CHD9: variants seen among roughly 807,000 people sequenced by gnomAD.
CHD9 encodes the protein chromodomain helicase DNA binding protein 9, also known as ATP-dependent chromatin remodeler CHD9.
A neutral mutation model predicts 316.1 loss-of-function variants in CHD9; 77 were observed. That is an observed-to-expected ratio of 0.24 (90% confidence interval 0.20 to 0.29). The LOEUF is 0.29. CHD9 is among the 10% of genes least tolerant of loss of function. The pLI, the probability that CHD9 is intolerant of heterozygous loss-of-function variation, is 1.00. For missense variants in CHD9, 2,763 were observed against 3,438.1 expected, an observed-to-expected ratio of 0.80 and a Z score of 4.91; for synonymous variants, 1,129 against 1,158.3, an observed-to-expected ratio of 0.97 and a Z score of 0.51.
At chr16:53,208,747 G>A (rs1180123883) in intron 2 of CHD9, 22 of 977,272 alleles carry the variant, frequency 2.3e-5, no homozygotes, top group Non-Finnish European at 2.6e-5. Flanking sequence ...AGTATATGTG[G>A]ATGAATGCGT....
intron 28 of CHD9, among the ~76,000 whole-genome samples, chr16:53,292,592 T>C (rs909933040): frequency 1.3e-5 from 2 of 152,178 alleles, no homozygotes; most frequent in African/African-American, 4.8e-5. Flanking sequence ...TACCTAGACA[T>C]GCAAGAGTTG....
chr16:53,319,893 A>T, intron 37 of CHD9: 1 of 1,082,876 alleles, frequency 9.2e-7, no homozygotes, highest in Non-Finnish European at 1.2e-6. Flanking sequence ...TCCATTTTCA[A>T]TAGAAGCTTA....
chr16:53,195,396 G>A (rs2044818412), intron 2 of CHD9, among the ~76,000 whole-genome samples: 1 of 152,178 alleles, frequency 6.6e-6, no homozygotes, highest in South Asian at 2.1e-4. Context: ...CACATATTTA[G>A]TCTGGCTTAA....
At chr16:53,261,792 C>G (rs2051157579) in intron 19 of CHD9, among the ~76,000 whole-genome samples, 3 of 152,090 alleles carry the variant, frequency 2.0e-5, no homozygotes, top group Admixed American at 2.0e-4. Flanking sequence ...CGAAGCAAAT[C>G]CCAGATATAA....
intron 1 of CHD9, among the ~76,000 whole-genome samples, chr16:53,108,671 T>C (rs2037573564): frequency 6.6e-6 from 1 of 151,714 alleles, no homozygotes; most frequent in East Asian, 1.9e-4. Context: ...GATCAGGAGT[T>C]TGAGATCAGC....
chr16:53,231,378 G>GT, intron 8 of CHD9, 41 bp from the exon 9 acceptor site: 1 of 1,166,348 alleles, frequency 8.6e-7, no homozygotes, highest in East Asian at 2.3e-5. Context: ...TATCATTCCA[G>GT]TTCTTTGTCA....
intron 1 of CHD9, among the ~76,000 whole-genome samples, chr16:53,145,982 G>A (rs1238203852): frequency 6.6e-6 from 1 of 152,058 alleles, no homozygotes; most frequent in Non-Finnish European, 1.5e-5. Flanking sequence ...GACAAATCCT[G>A]TATGATTGTA....
chr16:53,275,235 C>T (rs1365408797), intron 24 of CHD9, among the ~76,000 whole-genome samples: 20 of 151,918 alleles, frequency 1.3e-4, no homozygotes, highest in African/African-American at 4.3e-4. Flanking sequence ...ACCATGTTGG[C>T]GAAGCTGGTC....
chr16:53,241,679 T>C (rs1287392110), intron 12 of CHD9, among the ~76,000 whole-genome samples: 2 of 152,192 alleles, frequency 1.3e-5, no homozygotes, highest in South Asian at 2.1e-4. Context: ...TCCATACTTA[T>C]CCATTGGGAA....
intron 1 of CHD9, among the ~76,000 whole-genome samples, chr16:53,057,915 C>T (rs2032357275): frequency 6.6e-6 from 1 of 151,980 alleles, no homozygotes; most frequent in Non-Finnish European, 1.5e-5. Context: ...TTTGTGATGT[C>T]GCTGTTTGAA....
At chr16:53,104,025 T>C (rs2037110610) in intron 1 of CHD9, among the ~76,000 whole-genome samples, 1 of 152,222 alleles carries the variant, frequency 6.6e-6, no homozygotes, top group Non-Finnish European at 1.5e-5. Context: ...CACAGGATTC[T>C]TGCTGGGCCT....
intron 18 of CHD9, 117 bp from the exon 19 acceptor site, chr16:53,255,483 C>A: frequency 1.2e-6 from 1 of 824,506 alleles, no homozygotes; most frequent in Non-Finnish European, 1.9e-6. Context: ...TATGCGCATC[C>A]CAAACCCAAA....
intron 17 of CHD9, among the ~76,000 whole-genome samples, chr16:53,253,480 A>T (rs1383069029): frequency 6.6e-6 from 1 of 152,160 alleles, no homozygotes. Context: ...AAATACTGCA[A>T]ATATAGTGCA....
At chr16:53,313,611 T>C (rs1482731316) in intron 34 of CHD9, among the ~76,000 whole-genome samples, 1 of 151,836 alleles carries the variant, frequency 6.6e-6, no homozygotes, top group African/African-American at 2.4e-5. Flanking sequence ...CGGCCAAAAG[T>C]TTAACATTTG....
chr16:53,292,107 T>A (rs1597853096), intron 28 of CHD9, among the ~76,000 whole-genome samples: 1 of 152,236 alleles, frequency 6.6e-6, no homozygotes, highest in Non-Finnish European at 1.5e-5. Flanking sequence ...AGCCATTCTT[T>A]ATCACCTAGT....
intron 11 of CHD9, among the ~76,000 whole-genome samples, chr16:53,236,485 T>C (rs1028446317): frequency 6.6e-6 from 1 of 152,098 alleles, no homozygotes; most frequent in African/African-American, 2.4e-5. Context: ...CCTTCTCTTT[T>C]ATATCTCCAG....
intron 1 of CHD9, among the ~76,000 whole-genome samples, chr16:53,082,220 A>C (rs1382478835): frequency 6.7e-6 from 1 of 150,062 alleles, no homozygotes; most frequent in Admixed American, 6.6e-5. Flanking sequence ...TTATTTATTT[A>C]TTTATTTATT....
chr16:53,082,922 C>T (rs2035155229), intron 1 of CHD9, among the ~76,000 whole-genome samples: 1 of 152,240 alleles, frequency 6.6e-6, no homozygotes, highest in Non-Finnish European at 1.5e-5. Context: ...TGAGTGCTCA[C>T]CCTGCTGAAC....
At chr16:53,133,567 C>T (rs1297262086) in intron 1 of CHD9, among the ~76,000 whole-genome samples, 1 of 152,010 alleles carries the variant, frequency 6.6e-6, no homozygotes, top group Non-Finnish European at 1.5e-5. Flanking sequence ...TCTTGACATC[C>T]GTGAGCCTTA....
Sources: allele counts gnomAD v4.1 joint callset (sites outside exome capture counted in the v4.1 genomes callset), GRCh38; gene constraint gnomAD v4.1.1; transcripts MANE v1.5; gene names NCBI Gene and HGNC (gene_info 2026-07-23, HGNC 2026-07-21).